The following RAI14 variants were observed in gnomAD, a reference collection of about 807,000 sequenced individuals.
The protein encoded by RAI14 is ankycorbin.
A neutral mutation model predicts 115.4 loss-of-function variants in RAI14; 45 were observed. The ratio of observed to expected loss-of-function variants is 0.39; its 90% CI spans 0.31 to 0.50. The LOEUF (loss-of-function observed/expected upper bound fraction) is 0.50. Ranked by LOEUF, RAI14 falls within the 20% of genes least tolerant of loss-of-function variation. The pLI is 0.85. For synonymous variants in RAI14, 371 were observed against 415.4 expected (o/e 0.89, Z 1.30); for missense variants, 939 against 1,131.2 (o/e 0.83, Z 2.44).
intron 2 of RAI14, among the ~76,000 whole-genome samples, chr5:34,700,398 C>T (rs1343912506): frequency 6.6e-6 from 1 of 152,164 alleles, no homozygotes. Context: ...CACCTAAGCC[C>T]TTTCCCCATG....
intron 3 of RAI14, among the ~76,000 whole-genome samples, chr5:34,789,270 C>A (rs1167249263): frequency 2.6e-5 from 4 of 152,206 alleles, no homozygotes; most frequent in African/African-American, 2.4e-5. Context: ...GAAGGGAAAT[C>A]TACCCACCAT....
At chr5:34,681,112 T>C (rs911765771) in intron 1 of RAI14, among the ~76,000 whole-genome samples, 3 of 152,190 alleles carry the variant, frequency 2.0e-5, no homozygotes, top group African/African-American at 7.2e-5. Flanking sequence ...TTGGATGGCG[T>C]GAGGTACTGT....
At position 34,812,221 on chromosome 5, in the gene RAI14, G is replaced by C; in HGVS notation, c.765+13G>C. 1 of 1,575,288 alleles carries C rather than the reference G, an allele frequency of 6.3e-7. No homozygotes were observed. The highest frequency in any genetic ancestry group is 8.7e-7 in the Non-Finnish European group (1 of 1,151,770). On this transcript the variant is annotated intron_variant, in intron 10 of 17. Transcript: ENST00000265109. The stretch of plus-strand genomic sequence containing the variant: ...AAAACCAAAGCAGGTATTTATCTTT[G>C]GGGGAGGCTTCTATGTTTCATTTAT...
chr5:34,773,744 G>A (rs1056712979), intron 3 of RAI14, among the ~76,000 whole-genome samples: 1 of 152,006 alleles, frequency 6.6e-6, no homozygotes, highest in African/African-American at 2.4e-5. Context: ...TTATTACAAA[G>A]GAAAAATAAC....
At chr5:34,680,526 T>C (rs577654211) in intron 1 of RAI14, among the ~76,000 whole-genome samples, 101 of 152,202 alleles carry the variant, frequency 6.6e-4, no homozygotes, top group Non-Finnish European at 1.2e-3. Context: ...CTTAATACTA[T>C]TACATTGGCA....
At chr5:34,812,152 G>A (rs1755678568) in intron 9 of RAI14, 28 bp from the exon 10 acceptor site, 1 of 1,552,114 alleles carries the variant, frequency 6.4e-7, no homozygotes, top group Non-Finnish European at 8.9e-7. Context: ...GCTTCTTATA[G>A]TTCTTTTTTT....
At chr5:34,803,800 T>A in intron 5 of RAI14, 24 bp downstream of exon 5, 1 of 1,591,694 alleles carries the variant, frequency 6.3e-7, no homozygotes, top group Non-Finnish European at 8.6e-7. Context: ...AACTTAGAAT[T>A]ATAAATGTGT....
chr5:34,789,332 G>T (rs952143428), intron 3 of RAI14, among the ~76,000 whole-genome samples: 5 of 152,224 alleles, frequency 3.3e-5, no homozygotes, highest in African/African-American at 4.8e-5. Context: ...CTACCCAACA[G>T]AACCTAACTT....
chr5:34,683,603 C>G (rs1222662481), intron 1 of RAI14, among the ~76,000 whole-genome samples: 3 of 152,156 alleles, frequency 2.0e-5, no homozygotes, highest in African/African-American at 4.8e-5. Context: ...GGGAACTGCA[C>G]AGTTTTGGGT....
At chr5:34,740,293 G>T (rs1280263106) in intron 2 of RAI14, among the ~76,000 whole-genome samples, 2 of 152,300 alleles carry the variant, frequency 1.3e-5, no homozygotes, top group African/African-American at 4.8e-5. Flanking sequence ...GCTGACAAAT[G>T]TCTTAGATTA....
chr5:34,764,643 A>G (rs164314), intron 3 of RAI14, among the ~76,000 whole-genome samples: 17,713 of 152,072 alleles, frequency 0.12, 1,043 homozygotes, highest in South Asian at 0.17. Context: ...AATTGCAATG[A>G]AAGGTACATT....
At chr5:34,822,925 A>G in intron 14 of RAI14, 31 bp from the exon 15 acceptor site, 1 of 1,541,728 alleles carries the variant, frequency 6.5e-7, no homozygotes, top group African/African-American at 1.4e-5. Context: ...CTGACCTTTG[A>G]TATCATTTAA....
intron 3 of RAI14, among the ~76,000 whole-genome samples, chr5:34,771,919 G>T (rs1268011529): frequency 6.6e-6 from 1 of 151,384 alleles, no homozygotes; most frequent in African/African-American, 2.4e-5. Context: ...TTGTTTTTTT[G>T]GGACAGGGTC....
At chr5:34,658,876 A>G (rs1448375353) in intron 1 of RAI14, 2 of 152,144 alleles carry the variant, frequency 1.3e-5, no homozygotes, top group Non-Finnish European at 2.9e-5. Flanking sequence ...TTTGTCTTCT[A>G]CTTCCTAGGT....
At chr5:34,787,892 G>GTTTTTTTTTTTTTTTTTTTTTTTTTT in intron 3 of RAI14, among the ~76,000 whole-genome samples, 1 of 29,348 alleles carries the variant, frequency 3.4e-5, no homozygotes, top group Admixed American at 4.3e-4. Flanking sequence ...GGATACTACT[G>GTTTTTTTTTTTTTTTTTTTTTTTTTT]ATTTTTTTTT....
At position 34,680,105 on chromosome 5, in the gene RAI14, A is replaced by G. The variant is rs142661364; in HGVS notation, c.-48-6767A>G. Among the ~76,000 whole-genome samples the G allele has an allele frequency of 1.1e-3, 163 of 152,328 alleles. 3 individuals are homozygous for G. The East Asian group carries it at 0.019, about 18-fold the overall frequency. Reference sequence around the variant, plus strand: ...GAGATGTAAATTTTCAAATCGGCTTAAAACTGATAACACGGTTCTTGAATC... The same window carrying G: ...GAGATGTAAATTTTCAAATCGGCTTGAAACTGATAACACGGTTCTTGAATC... On this transcript the variant is annotated intron_variant, in intron 1 of 17. Transcript: ENST00000265109.
At chr5:34,729,268 G>C (rs1189424994) in intron 2 of RAI14, among the ~76,000 whole-genome samples, 1 of 152,014 alleles carries the variant, frequency 6.6e-6, no homozygotes, top group African/African-American at 2.4e-5. Context: ...AGGATTGCTT[G>C]AGCCCGGGAA....
At position 34,683,877 on chromosome 5, in the gene RAI14, G is replaced by A. The variant is rs549866518; in HGVS notation, c.-48-2995G>A. 1.2e-4 allele frequency among the ~76,000 whole-genome samples: 19 copies of A among 152,216 alleles called. No homozygotes were observed. In the East Asian group the frequency reaches 2.9e-3, roughly 23 times the overall value. On this transcript the variant is annotated intron_variant, in intron 1 of 17. Transcript: ENST00000265109. The stretch of plus-strand genomic sequence containing the variant: ...CGAGTGGCTGGGACTACAGGCGCCC[G>A]CCATCACGCCCGGCTAATTTTTTGT...
chr5:34,660,234 A>G (rs992797226), intron 1 of RAI14, among the ~76,000 whole-genome samples: 20 of 152,020 alleles, frequency 1.3e-4, no homozygotes, highest in Non-Finnish European at 2.4e-4. Context: ...GGAGTTCGAG[A>G]CCAGCCTGAC....
Sources: gnomAD v4.1 joint callset for allele counts (sites outside exome capture counted in the v4.1 genomes callset) on GRCh38, gnomAD v4.1.1 for gene constraint, MANE v1.5 for transcripts, NCBI Gene and HGNC (gene_info 2026-07-23, HGNC 2026-07-21) for gene names.